The following CLK2 variants were observed in gnomAD, a reference collection of about 807,000 sequenced individuals.
CLK2 encodes dual specificity protein kinase CLK2.
A neutral mutation model predicts 73.5 loss-of-function variants in CLK2; 12 were observed. That is an observed-to-expected ratio of 0.16 (90% CI 0.10 to 0.26). CLK2 has a LOEUF of 0.26. CLK2 is among the 10% of genes least tolerant of loss of function. The pLI is 1.00. For synonymous variants in CLK2, 232 were observed against 237.9 expected, an observed-to-expected ratio of 0.98 and a Z score of 0.23; for missense variants, 509 against 688.4, an observed-to-expected ratio of 0.74 and a Z score of 2.92.
intron 8 of CLK2, 110 bp from the exon 9 acceptor site, chr1:155,264,884 G>T: frequency 7.5e-7 from 1 of 1,333,924 alleles, no homozygotes; most frequent in Non-Finnish European, 1.0e-6. Flanking sequence ...CTCCTGCCTG[G>T]CCTTACAAGC....
In CLK2 at chr1:155,268,182, C is replaced by A; in HGVS notation, c.555-56G>T. 1.9e-6 allele frequency: 3 copies of A among 1,573,564 alleles called. No individual in the cohort carries two copies. The highest frequency in any genetic ancestry group is 1.7e-5 in the Admixed American group (1 of 59,930). The stretch of plus-strand genomic sequence containing the variant: ...GTTCTCAAGAATGTCTCAAAATGAA[C>A]AGGGCTGTAGGGGGACTAAGAAATT... On this transcript the variant is annotated intron_variant, in intron 5 of 12. Transcript: ENST00000368361. The surrounding 1 kb of genome is among the most constrained non-coding windows in gnomAD (Gnocchi z 5.6).
intron 1 of CLK2, among the ~76,000 whole-genome samples, chr1:155,271,953 G>C (rs573268335): frequency 6.6e-6 from 1 of 151,530 alleles, no homozygotes; most frequent in South Asian, 2.1e-4. Flanking sequence ...ACAAAATACA[G>C]TCAGCATCCC....
rs1673068839 is a variant in CLK2 at position 155,263,319 on chromosome 1, G to A, written c.1399C>T (p.Arg467Trp). 6.2e-7 allele frequency: 1 copy of A among 1,614,056 alleles called. No individual in the cohort carries two copies. Among genetic ancestry groups the A allele is most frequent in the Admixed American group, 1.7e-5 (1 of 60,012 alleles). Residue 467 changes from arginine (R) to tryptophan (W), a missense_variant, in exon 13 of 13, where the codon CGG becomes TGG. By Grantham distance (101) the Arg-to-Trp change is moderately radical. Around this residue, in one of 6 missense-constraint regions of CLK2, gnomAD observed 134 missense variants for 146.0 expected, o/e 0.92. Coordinates refer to ENST00000368361, the MANE Select transcript of CLK2 (RefSeq NM_001294338.2). ...TGAAGGGCTTCACCCAAGGTCAGCC[G>A]CTTAGCTGGTTCATACTCTAGCATG... ...ESMLEYEPAK[R>W]LTLGEALQHP...
intron 12 of CLK2, 148 bp from the exon 13 acceptor site, chr1:155,263,548 T>C: frequency 7.0e-7 from 1 of 1,438,332 alleles, no homozygotes; most frequent in Non-Finnish European, 9.1e-7. Flanking sequence ...AGGACCAACG[T>C]TTCTGATATT....
rs768285011 is a variant in CLK2, at chr1:155,264,794, A to T, written c.934-20T>A. On this transcript the variant is annotated intron_variant, in intron 8 of 12. Coordinates refer to ENST00000368361, the MANE Select transcript of CLK2 (RefSeq NM_001294338.2). The stretch of plus-strand genomic sequence containing the variant: ...TCGCTTCTAGGAGCAGAGGAGAAAG[A>T]GGATGAACCTCTGCACCCAGACTGA... The T allele has an allele frequency of 1.9e-6, 3 of 1,612,932 alleles. No homozygotes were observed. Among genetic ancestry groups the T allele is most frequent in the Admixed American group, 1.7e-5 (1 of 59,954 alleles).
intron 1 of CLK2, among the ~76,000 whole-genome samples, 166 bp from the exon 2 acceptor site, chr1:155,271,143 T>C (rs548843249): frequency 1.3e-5 from 2 of 152,332 alleles, no homozygotes; most frequent in East Asian, 1.9e-4. Flanking sequence ...TTCCTCCTTA[T>C]TGGAGTACAG....
chr1:155,263,850 C>T (rs1041281112), intron 12 of CLK2, 100 bp downstream of exon 12: 7 of 1,394,068 alleles, frequency 5.0e-6, no homozygotes, highest in Non-Finnish European at 7.0e-6. Flanking sequence ...CCCCTCCTTT[C>T]CTAACCCTCT....
Position 155,268,538 on chromosome 1 carries a change from G to T in CLK2, c.487+170C>A. On this transcript the variant is annotated intron_variant, in intron 4 of 12. Coordinates refer to ENST00000368361, the MANE Select transcript of CLK2 (RefSeq NM_001294338.2). The surrounding 1 kb of genome is among the most constrained non-coding windows in gnomAD (Gnocchi z 5.6). The stretch of plus-strand genomic sequence containing the variant: ...TCCCACCACCTTTAACCCAGGGGCC[G>T]TGAGAGCTGGGAGTGGACAACAGAG... The T allele has an allele frequency of 2.6e-6, 2 of 782,196 alleles. No individual in the cohort carries two copies. Among genetic ancestry groups the T allele is most frequent in the Non-Finnish European group, 4.4e-6 (2 of 458,094 alleles). 48.5% of individuals were successfully genotyped at this position (782,196 alleles called of 1,614,324 possible).
chr1:155,264,495 T>C lies in CLK2; in HGVS notation c.1119A>G (p.Glu373=), dbSNP rs1250903970. Residue 373 remains glutamate, a synonymous_variant, in exon 10 of 13, where the codon GAA becomes GAG. Coordinates refer to ENST00000368361, the MANE Select transcript of CLK2 (RefSeq NM_001294338.2). ...GGAAGAGGGTGAATCCCACATAGTATTCAAAGATGATGCAGCCTATACTCC... is the reference window on the plus strand; with the variant it reads ...GGAAGAGGGTGAATCCCACATAGTACTCAAAGATGATGCAGCCTATACTCC... ...DVWSIGCIIF[E]YYVGFTLFQT... The C allele has an allele frequency of 1.2e-6, 2 of 1,614,058 alleles. No homozygotes were observed. The highest frequency in any genetic ancestry group is 2.2e-5 in the East Asian group (1 of 44,904).
rs546440095 is a variant in CLK2, at chr1:155,268,021, A to G, written c.660T>C (p.Pro220=). Residue 220 remains proline (P), a synonymous_variant, in exon 6 of 13, where the codon CCT becomes CCC. Coordinates refer to ENST00000368361, the MANE Select transcript of CLK2 (RefSeq NM_001294338.2). This position sits in a 1 kb window ranked among gnomAD's most constrained non-coding sequence, Gnocchi z 5.6. ...CCTTGCTTGCTTACTTCTTGTTGTC[A>G]GGGTCTTTCTCATTGATTTTCTCTA... ...NVLEKINEKD[P]DNKNLCVQMF... is the part of the protein sequence containing the mutation. The G allele has an allele frequency of 6.2e-7, 1 of 1,612,272 alleles. No individual in the cohort carries two copies. The highest frequency in any genetic ancestry group is 1.1e-5 in the South Asian group (1 of 91,066).
chr1:155,264,624 G>A (rs1386491975), intron 9 of CLK2, 21 bp downstream of exon 9: 1 of 1,614,224 alleles, frequency 6.2e-7, no homozygotes. Flanking sequence ...CACACACTTG[G>A]ACAGCCTTGC....
chr1:155,268,775 G>A lies in CLK2; in HGVS notation c.420C>T (p.Ala140=). ...RSSSQHSSRR[A]KSVEDDAEGH... ...CCTCAGCGTCGTCCTCTACACTCTTGGCTCTCCGGCTGCTGTGCTGCTGTC... is the reference window on the plus strand; with the variant it reads ...CCTCAGCGTCGTCCTCTACACTCTTAGCTCTCCGGCTGCTGTGCTGCTGTC... The change falls in exon 4 of 13, where the codon GCC becomes GCT. Residue 140 remains alanine, a synonymous_variant. Transcript: ENST00000368361. This position sits in a 1 kb window ranked among gnomAD's most constrained non-coding sequence, Gnocchi z 5.6. 1 of 1,613,188 alleles carries A rather than the reference G, an allele frequency of 6.2e-7. No homozygotes were observed. The highest frequency in any genetic ancestry group is 1.3e-5 in the African/African-American group (1 of 74,810).
chr1:155,265,750 A>G, intron 8 of CLK2, 110 bp downstream of exon 8: 1 of 793,020 alleles, frequency 1.3e-6, no homozygotes, highest in Non-Finnish European at 2.3e-6. Flanking sequence ...CCAGACAGGG[A>G]GAAAATGTGG....
chr1:155,270,610 T>C (rs1260451272), intron 2 of CLK2, among the ~76,000 whole-genome samples, 198 bp downstream of exon 2: 2 of 152,228 alleles, frequency 1.3e-5, no homozygotes, highest in Non-Finnish European at 2.9e-5. Flanking sequence ...CCAAACGCAC[T>C]GGGTACGTCC....
chr1:155,263,205 C>T lies in CLK2; in HGVS notation c.*13G>A. 1 of 1,608,608 alleles carries T rather than the reference C, an allele frequency of 6.2e-7. No homozygotes were observed. Among genetic ancestry groups the T allele is most frequent in the Non-Finnish European group, 8.5e-7 (1 of 1,177,426 alleles). Reference sequence around the variant, plus strand: ...CTGCTATAAAAGATGCAGGGGGGCCCAGGGCCTGATCGTCACCGACTGATA... The same window carrying T: ...CTGCTATAAAAGATGCAGGGGGGCCTAGGGCCTGATCGTCACCGACTGATA... On this transcript the variant is annotated 3_prime_UTR_variant, in exon 13 of 13. Transcript: ENST00000368361.
chr1:155,268,096 A>G lies in CLK2; in HGVS notation c.585T>C (p.Ile195=). ...CTTCCTTGTACTTCTCCACATTCTT[A>G]ATGATCTTCAGGGCAACTCGAGCCC... is the stretch of plus-strand genomic sequence containing the variant. ...RGGARVALKI[I]KNVEKYKEAA... The change falls in exon 6 of 13, where the codon ATT becomes ATC. Residue 195 remains isoleucine (I), a synonymous_variant. Transcript: ENST00000368361. The surrounding 1 kb of genome is among the most constrained non-coding windows in gnomAD (Gnocchi z 5.6). The G allele has an allele frequency of 6.2e-7, 1 of 1,614,110 alleles. No individual in the cohort carries two copies. Among genetic ancestry groups the G allele is most frequent in the Non-Finnish European group, 8.5e-7 (1 of 1,180,020 alleles).
chr1:155,264,127 A>G, intron 11 of CLK2, 87 bp from the exon 12 acceptor site: 1 of 1,553,674 alleles, frequency 6.4e-7, no homozygotes, highest in Non-Finnish European at 8.9e-7. Context: ...CTGGGGGGAG[A>G]GGAGGTATCA....
In CLK2 at chr1:155,263,285, A is replaced by G; in HGVS notation, c.1433T>C (p.Phe478Ser). ...LTLGEALQHP[F>S]FARLRAEPPN... The stretch of plus-strand genomic sequence containing the variant: ...CGGCTCAGCCCGAAGGCGGGCGAAG[A>G]AAGGATGCTGAAGGGCTTCACCCAA... Residue 478 changes from phenylalanine (F) to serine (S), a missense_variant, in exon 13 of 13, where the codon TTC becomes TCC. Physicochemically the swap from Phe to Ser is radical, Grantham distance 155 (BLOSUM62 -2). Around this residue, in one of 6 missense-constraint regions of CLK2, gnomAD observed 134 missense variants for 146.0 expected, o/e 0.92. Transcript: ENST00000368361. 6.2e-7 allele frequency: 1 copy of G among 1,614,180 alleles called. No homozygotes were observed. The highest frequency in any genetic ancestry group is 8.5e-7 in the Non-Finnish European group (1 of 1,180,034).
rs957132621 is a variant in CLK2 at position 155,268,447 on chromosome 1, T to A, written c.488-88A>T. The A allele has an allele frequency of 3.7e-6, 4 of 1,076,334 alleles. No individual in the cohort carries two copies. In the African/African-American group the frequency reaches 6.2e-5, roughly 17 times the overall value. 66.7% of individuals were successfully genotyped at this position (1,076,334 alleles called of 1,614,324 possible). ...TGGAAGAAAAAAGGGGACAGCAACCTGGGGTGGAGATGAAGGAAGGGGAAC... is the reference window on the plus strand; with the variant it reads ...TGGAAGAAAAAAGGGGACAGCAACCAGGGGTGGAGATGAAGGAAGGGGAAC... On this transcript the variant is annotated intron_variant, in intron 4 of 12. Coordinates refer to ENST00000368361, the MANE Select transcript of CLK2 (RefSeq NM_001294338.2). The surrounding 1 kb of genome is among the most constrained non-coding windows in gnomAD (Gnocchi z 5.6).
Sources: allele counts gnomAD v4.1 joint callset (sites outside exome capture counted in the v4.1 genomes callset), GRCh38; gene constraint gnomAD v4.1.1; regional missense constraint gnomAD v4.1.1; non-coding constraint Gnocchi (gnomAD v3.1); transcripts MANE v1.5; gene names NCBI Gene and HGNC (gene_info 2026-07-23, HGNC 2026-07-21).